Variants in OC90 observed in about 807,000 individuals in gnomAD.
OC90 encodes the protein otoconin 90.
A neutral mutation model predicts 47.3 loss-of-function variants in OC90; 46 were observed. That is an observed-to-expected ratio of 0.97 (90% confidence interval 0.77 to 1.24). The LOEUF is 1.24. Among genes scored for constraint, OC90 ranks in the 50% most tolerant of loss-of-function variants. The pLI, the probability that OC90 is intolerant of heterozygous loss-of-function variation, is 0.00. For synonymous variants in OC90, 271 were observed against 219.5 expected, an observed-to-expected ratio of 1.23 and a Z score of -2.07; for missense variants, 688 against 583.9, an observed-to-expected ratio of 1.18 and a Z score of -1.84.
intron 13 of OC90, among the ~76,000 whole-genome samples, chr8:132,026,911 G>A (rs537981836): frequency 2.6e-5 from 4 of 152,184 alleles, no homozygotes; most frequent in Admixed American, 1.3e-4. Flanking sequence ...CACTACAACT[G>A]GGCCTCCCAC....
Position 132,031,914 on chromosome 8 carries a change from T to A in OC90, c.998A>T (p.Glu333Val). ...GTCATCCCTTGGCTCGCCTCTTCCTTCTTGTCCACAGTAACAGCCATAAGA... is the reference window on the plus strand; with the variant it reads ...GTCATCCCTTGGCTCGCCTCTTCCTACTTGTCCACAGTAACAGCCATAAGA... ...FESYGCYCGQ[E>V]GRGEPRDDLD... Residue 333 changes from glutamate to valine, a missense_variant, in exon 12 of 14, where the codon GAA becomes GTA. Transcript: ENST00000254627. The A allele has an allele frequency of 6.2e-7, 1 of 1,614,006 alleles. No homozygotes were observed. Among genetic ancestry groups the A allele is most frequent in the Non-Finnish European group, 8.5e-7 (1 of 1,179,862 alleles).
At chr8:132,054,801 G>A (rs1344396107) in intron 2 of OC90, among the ~76,000 whole-genome samples, 180 bp downstream of exon 2, 1 of 152,026 alleles carries the variant, frequency 6.6e-6, no homozygotes, top group Non-Finnish European at 1.5e-5. Context: ...ATAAAAGAGG[G>A]AAGAAATAAA....
intron 2 of OC90, among the ~76,000 whole-genome samples, chr8:132,052,055 T>G (rs1001182192): frequency 6.6e-6 from 1 of 152,110 alleles, no homozygotes; most frequent in Admixed American, 6.5e-5. Flanking sequence ...TGAGGCTGCG[T>G]GGGACGGCTG....
rs759818410 is a variant in OC90, at chr8:132,039,139, G to A, written c.458-16C>T. ...TCCTTGGACTCTGCACACAGCAAGA[G>A]CATAGCCAATTGGAAAGATCTCAGC... is the stretch of plus-strand genomic sequence containing the variant. On this transcript the variant is annotated splice_polypyrimidine_tract_variant and intron_variant, in intron 6 of 13. Transcript: ENST00000254627. The A allele has an allele frequency of 6.3e-7, 1 of 1,588,304 alleles. No homozygotes were observed. Among genetic ancestry groups the A allele is most frequent in the Non-Finnish European group, 8.6e-7 (1 of 1,167,108 alleles).
At chr8:132,050,462 G>A (rs905657545) in intron 2 of OC90, among the ~76,000 whole-genome samples, 1 of 152,104 alleles carries the variant, frequency 6.6e-6, no homozygotes, top group African/African-American at 2.4e-5. Context: ...TAAGATCCCA[G>A]GGATGTTCAT....
chr8:132,058,141 G>C (rs1254541424), intron 1 of OC90, among the ~76,000 whole-genome samples: 4 of 152,218 alleles, frequency 2.6e-5, no homozygotes, highest in Non-Finnish European at 5.9e-5. Context: ...GTGCCAGCTA[G>C]AAGGTGCCAG....
At position 132,044,604 on chromosome 8, in the gene OC90, T is replaced by C. The variant is rs985534948; in HGVS notation, c.113-115A>G. 2.1e-5 allele frequency: 14 copies of C among 662,236 alleles called. No homozygotes were observed. In the Middle Eastern group the frequency reaches 7.6e-4, roughly 36 times the overall value. The allele number at this position is 662,236 out of a possible 1,614,324, so 41.0% of individuals were successfully genotyped here. On this transcript the variant is annotated intron_variant, in intron 3 of 13. Coordinates refer to ENST00000254627, the MANE Select transcript of OC90 (RefSeq NM_001080399.3). ...CTTTCTTCATTCTCCAAAGAAAAAA[T>C]TGACCTTGGGCTAAGCTAGCTTTCT...
At chr8:132,039,866 C>A (rs932697345) in intron 6 of OC90, among the ~76,000 whole-genome samples, 2 of 152,226 alleles carry the variant, frequency 1.3e-5, no homozygotes, top group South Asian at 4.1e-4. Context: ...CTTTTCTTGA[C>A]CTTCCCATTT....
intron 12 of OC90, among the ~76,000 whole-genome samples, chr8:132,031,429 T>C (rs1186743134): frequency 1.3e-5 from 2 of 152,194 alleles, no homozygotes; most frequent in Admixed American, 6.5e-5. Context: ...TTAAAAGGTG[T>C]TGAGAAAAGT....
At chr8:132,029,578 C>A (rs1448680935) in intron 12 of OC90, among the ~76,000 whole-genome samples, 2 of 152,160 alleles carry the variant, frequency 1.3e-5, no homozygotes, top group African/African-American at 4.8e-5. Context: ...TAGCAGTAAG[C>A]TTACTCCCTC....
chr8:132,028,028 CGG>C (rs1337663291), intron 13 of OC90, among the ~76,000 whole-genome samples: 1 of 152,114 alleles, frequency 6.6e-6, no homozygotes, highest in Admixed American at 6.5e-5. Flanking sequence ...AGTGCTACCT[CGG>C]GATACTGTTT....
At position 132,041,067 on chromosome 8, in the gene OC90, C is replaced by A; in HGVS notation, c.434G>T (p.Cys145Phe). The A allele has an allele frequency of 6.2e-7, 1 of 1,609,556 alleles. No individual in the cohort carries two copies. The highest frequency in any genetic ancestry group is 8.5e-7 in the Non-Finnish European group (1 of 1,175,822). The change falls in exon 6 of 14, where the codon TGT becomes TTT. Residue 145 changes from cysteine to phenylalanine, a missense_variant. Cys to Phe is a radical substitution (Grantham distance 205). Coordinates refer to ENST00000254627, the MANE Select transcript of OC90 (RefSeq NM_001080399.3). ...ACCACATATGATCTTCTTGCTGACA[C>A]AATTGACCTCTGTGCTAAGTTTGGC... ...DPAKLSTEVN[C>F]VSKKIICESK...
chr8:132,055,360 T>A (rs996753618), intron 1 of OC90, among the ~76,000 whole-genome samples: 1 of 152,192 alleles, frequency 6.6e-6, no homozygotes, highest in African/African-American at 2.4e-5. Context: ...TCCATGGTCA[T>A]TTCTTCCAGG....
At chr8:132,049,409 C>T (rs1053896210) in intron 2 of OC90, among the ~76,000 whole-genome samples, 1 of 152,162 alleles carries the variant, frequency 6.6e-6, no homozygotes, top group Non-Finnish European at 1.5e-5. Flanking sequence ...GAGGATCTCA[C>T]GCAATTCAAA....
chr8:132,049,460 T>G (rs1353032085), intron 2 of OC90, among the ~76,000 whole-genome samples: 2 of 152,058 alleles, frequency 1.3e-5, no homozygotes, highest in Non-Finnish European at 2.9e-5. Flanking sequence ...AAGTGCAGAG[T>G]AAAGGGCTCC....
intron 13 of OC90, among the ~76,000 whole-genome samples, chr8:132,028,724 G>GAAAGAAAGAAAGAAAGAAAGAAAGAA: frequency 7.8e-6 from 1 of 128,948 alleles, no homozygotes; most frequent in East Asian, 2.1e-4. Flanking sequence ...AAGAAAGAAA[G>GAAAGAAAGAAAGAAAGAAAGAAAGAA]AGAAAGAAAG....
Position 132,024,426 on chromosome 8 carries a change from T to G in OC90, c.*55A>C. 1 of 1,348,796 alleles carries G rather than the reference T, an allele frequency of 7.4e-7. No homozygotes were observed. 83.6% of individuals were successfully genotyped at this position (1,348,796 alleles called of 1,614,324 possible). On this transcript the variant is annotated 3_prime_UTR_variant, in exon 14 of 14. Coordinates refer to ENST00000254627, the MANE Select transcript of OC90 (RefSeq NM_001080399.3). ...CAGAGGAGGCTGAGAGATAAAGAGC[T>G]GAAGGTGGAGCAGGAGCCACGCTAC...
chr8:132,051,880 C>A (rs757353735), intron 2 of OC90, among the ~76,000 whole-genome samples: 1 of 152,046 alleles, frequency 6.6e-6, no homozygotes, highest in African/African-American at 2.4e-5. Flanking sequence ...AGGAGTCTCA[C>A]CATTTTTATT....
At chr8:132,034,562 C>T (rs1822926165) in intron 10 of OC90, among the ~76,000 whole-genome samples, 1 of 152,104 alleles carries the variant, frequency 6.6e-6, no homozygotes, top group Non-Finnish European at 1.5e-5. Flanking sequence ...TTTGAGATCC[C>T]CTCACTCTCT....
Sources: allele counts gnomAD v4.1 joint callset (sites outside exome capture counted in the v4.1 genomes callset), GRCh38; gene constraint gnomAD v4.1.1; transcripts MANE v1.5; gene names NCBI Gene and HGNC (gene_info 2026-07-23, HGNC 2026-07-21).